ACOX1: variants seen among roughly 807,000 people sequenced by gnomAD.
ACOX1 encodes peroxisomal acyl-coenzyme A oxidase 1.
ACOX1 carries 41 observed loss-of-function variants against 75.5 expected under a neutral mutation model. That is an observed-to-expected ratio of 0.54 (90% CI 0.42 to 0.70). The LOEUF (loss-of-function observed/expected upper bound fraction) is 0.70, where lower values mean the gene tolerates loss of function less well. Among genes scored for constraint, ACOX1 ranks in the 30% least tolerant of loss-of-function variants. The pLI, the probability that ACOX1 is intolerant of heterozygous loss-of-function variation, is 0.00. For synonymous variants in ACOX1, 303 were observed against 298.8 expected, an observed-to-expected ratio of 1.01 and a Z score of -0.15; for missense variants, 630 against 837.5, an observed-to-expected ratio of 0.75 and a Z score of 3.06.
intron 2 of ACOX1, chr17:75,973,883 A>C (rs565379086): frequency 8.1e-7 from 1 of 1,236,552 alleles, no homozygotes; most frequent in Admixed American, 2.0e-5. Flanking sequence ...GGAGAAGGTC[A>C]GGAAAATGTA....
chr17:75,968,219 G>A (rs1183363987), intron 2 of ACOX1, among the ~76,000 whole-genome samples: 1 of 145,394 alleles, frequency 6.9e-6, no homozygotes, highest in Admixed American at 6.8e-5. Flanking sequence ...GGCGGATCAC[G>A]AGGTCAGGAG....
chr17:75,976,531 T>G (rs1237360977), intron 2 of ACOX1, among the ~76,000 whole-genome samples: 1 of 152,178 alleles, frequency 6.6e-6, no homozygotes, highest in African/African-American at 2.4e-5. Context: ...TAGGAGGAGT[T>G]ACTCTATCTC....
At position 75,949,788 on chromosome 17, in the gene ACOX1, C is replaced by CTGCT; in HGVS notation, c.1404_1407dup (p.Val470SerfsTer20). On this transcript the variant is annotated frameshift_variant, in exon 10 of 14. Coordinates refer to ENST00000293217, the MANE Select transcript of ACOX1 (RefSeq NM_004035.7). LOFTEE classifies it high-confidence loss of function. ...TTGATATCCACCATGGTTGGCCAGA[C>CTGCT]TGCTACCTGCTGTGGCTGGATGCGC... is the stretch of plus-strand genomic sequence containing the variant. The CTGCT allele has an allele frequency of 6.2e-7, 1 of 1,614,114 alleles. No individual in the cohort carries two copies.
rs35173085 is a variant in ACOX1, at chr17:75,942,429, C to CAAAAAAAA, written c.*4311_*4318dup. 3 of 66,604 alleles carry CAAAAAAAA rather than the reference C, an allele frequency of 4.5e-5. No individual in the cohort carries two copies. Among genetic ancestry groups the CAAAAAAAA allele is most frequent in the African/African-American group, 5.5e-5 (1 of 18,052 alleles). 4.1% of individuals were successfully genotyped at this position (66,604 alleles called of 1,614,324 possible). On this transcript the variant is annotated 3_prime_UTR_variant, in exon 14 of 14. Transcript: ENST00000293217. ...TGGGTGAAAGAGCAAGACAACGTCT[C>CAAAAAAAA]AAAAAAAAAAAAAAAAAAAAAAGCA...
Position 75,978,949 on chromosome 17 carries a change from C to G in ACOX1, c.109+16G>C, listed in dbSNP as rs2066087904. The G allele has an allele frequency of 6.2e-7, 1 of 1,608,418 alleles. No homozygotes were observed. Among genetic ancestry groups the G allele is most frequent in the Non-Finnish European group, 8.5e-7 (1 of 1,179,876 alleles). On this transcript the variant is annotated intron_variant, in intron 1 of 13. Coordinates refer to ENST00000293217, the MANE Select transcript of ACOX1 (RefSeq NM_004035.7). This position sits in a 1 kb window ranked among gnomAD's most constrained non-coding sequence, Gnocchi z 4.2. Reference sequence around the variant, plus strand: ...TTTTCTCGGGAAAGGAGGGAGGTCTCGCCCGCCGCCCTCACCGATCTCTCG... The same window carrying G: ...TTTTCTCGGGAAAGGAGGGAGGTCTGGCCCGCCGCCCTCACCGATCTCTCG...
chr17:75,956,967 CTCTCTATATATATA>C (rs1567878013), intron 4 of ACOX1, among the ~76,000 whole-genome samples: 72 of 11,024 alleles, frequency 6.5e-3, no homozygotes, highest in Non-Finnish European at 8.5e-3. Context: ...CTCTCTCTCT[CTCTCTATATATATA>C]TATATATATA....
At chr17:75,947,250 T>TG (rs1367593036) in intron 13 of ACOX1, among the ~76,000 whole-genome samples, 2 of 149,030 alleles carry the variant, frequency 1.3e-5, no homozygotes, top group Non-Finnish European at 3.0e-5. Context: ...ATGTCTTAGT[T>TG]TTTTTTTTTT....
rs1219877910 is a variant in ACOX1, at chr17:75,943,496, C to G, written c.*3252G>C. The G allele has an allele frequency of 6.6e-6, 1 of 152,302 alleles. No homozygotes were observed. Among genetic ancestry groups the G allele is most frequent in the Non-Finnish European group, 1.5e-5 (1 of 68,214 alleles). The allele number at this position is 152,302 out of a possible 1,614,324, so 9.4% of individuals were successfully genotyped here. On this transcript the variant is annotated 3_prime_UTR_variant, in exon 14 of 14. Transcript: ENST00000293217. The stretch of plus-strand genomic sequence containing the variant: ...GTGGCCAAAGTGTGCTACAATCACA[C>G]CACTGCATTCCAGCCTGGGTGAGAG...
chr17:75,949,986 A>ATGG, intron 9 of ACOX1, 89 bp from the exon 10 acceptor site: 1 of 1,374,342 alleles, frequency 7.3e-7, no homozygotes, highest in Non-Finnish European at 1.0e-6. Flanking sequence ...CCTAGGCTGG[A>ATGG]TGGAGTGCAA....
chr17:75,957,907 G>A (rs944112039), intron 3 of ACOX1, among the ~76,000 whole-genome samples: 1 of 152,156 alleles, frequency 6.6e-6, no homozygotes, highest in Non-Finnish European at 1.5e-5. Flanking sequence ...GATGTTAACT[G>A]TCTTTTTAAA....
chr17:75,978,511 G>T lies in ACOX1; in HGVS notation c.269+23C>A. ...GTAAAGTTTAGGCTTAACAACACTT[G>T]CTCTGTTCTAAGGCATACCTACTTT... On this transcript the variant is annotated intron_variant, in intron 2 of 13. Coordinates refer to ENST00000293217, the MANE Select transcript of ACOX1 (RefSeq NM_004035.7). This position sits in a 1 kb window ranked among gnomAD's most constrained non-coding sequence, Gnocchi z 4.2. The T allele has an allele frequency of 1.2e-6, 2 of 1,614,050 alleles. No homozygotes were observed. Among genetic ancestry groups the T allele is most frequent in the Non-Finnish European group, 1.7e-6 (2 of 1,179,942 alleles).
intron 2 of ACOX1, among the ~76,000 whole-genome samples, chr17:75,969,880 A>G (rs1174722218): frequency 6.6e-6 from 1 of 152,132 alleles, no homozygotes; most frequent in African/African-American, 2.4e-5. Context: ...GAAGGGAAGA[A>G]GACAGAAAGA....
At chr17:75,967,619 CATATATATATACATACATATATATACGT>C (rs1429026607) in intron 2 of ACOX1, among the ~76,000 whole-genome samples, 4 of 131,288 alleles carry the variant, frequency 3.0e-5, no homozygotes, top group African/African-American at 1.3e-4. Flanking sequence ...TATATACATA[CATATATATATACATACATATATATACGT>C]ATATATATAC....
intron 2 of ACOX1, among the ~76,000 whole-genome samples, chr17:75,974,871 C>T (rs1038144063): frequency 2.6e-5 from 4 of 151,416 alleles, no homozygotes; most frequent in Admixed American, 2.6e-4. Context: ...ATGGTGAAAC[C>T]CCGTCTCTAC....
chr17:75,949,016 C>T (rs1024368249), intron 12 of ACOX1, among the ~76,000 whole-genome samples: 2 of 151,848 alleles, frequency 1.3e-5, no homozygotes, highest in Non-Finnish European at 1.5e-5. Context: ...TGTGCCACTG[C>T]ACCTGGCTAA....
chr17:75,953,281 T>C (rs1162193062), intron 7 of ACOX1, 170 bp downstream of exon 7: 1 of 692,760 alleles, frequency 1.4e-6, no homozygotes, highest in African/African-American at 1.8e-5. Flanking sequence ...TATTTCTGTC[T>C]TTCCTCTTAA....
chr17:75,969,355 G>A (rs925902592), intron 2 of ACOX1, among the ~76,000 whole-genome samples: 16 of 151,704 alleles, frequency 1.1e-4, no homozygotes, highest in African/African-American at 3.9e-4. Flanking sequence ...TAGTACGGAC[G>A]GGGTTTCTCC....
chr17:75,959,877 A>G (rs1215361337), intron 3 of ACOX1, among the ~76,000 whole-genome samples: 1 of 152,230 alleles, frequency 6.6e-6, no homozygotes, highest in African/African-American at 2.4e-5. Flanking sequence ...TCAGATAGTA[A>G]TGAAGAAAAA....
In ACOX1 at chr17:75,942,592, A is replaced by G. The variant is rs1163489286; in HGVS notation, c.*4156T>C. 2.0e-5 allele frequency: 3 copies of G among 152,120 alleles called. No homozygotes were observed. In the East Asian group the frequency reaches 5.8e-4, roughly 29 times the overall value. The allele number at this position is 152,120 out of a possible 1,614,324, so 9.4% of individuals were successfully genotyped here. ...GCATTATTTCATGAAAATGATCAAA[A>G]CCTTTATCTAAGTCAGAACATCAAC... On this transcript the variant is annotated 3_prime_UTR_variant, in exon 14 of 14. Coordinates refer to ENST00000293217, the MANE Select transcript of ACOX1 (RefSeq NM_004035.7).
Sources: gnomAD v4.1 joint callset for allele counts (sites outside exome capture counted in the v4.1 genomes callset) on GRCh38, gnomAD v4.1.1 for gene constraint, Gnocchi (gnomAD v3.1) non-coding constraint, MANE v1.5 for transcripts, NCBI Gene and HGNC (gene_info 2026-07-23, HGNC 2026-07-21) for gene names.